Variants in ARHGAP39 observed in about 807,000 individuals in gnomAD.
ARHGAP39 encodes rho GTPase-activating protein 39.
Under a neutral mutation model 106.9 loss-of-function variants are expected in ARHGAP39, and 44 were observed. The ratio of observed to expected loss-of-function variants is 0.41; its 90% confidence interval spans 0.32 to 0.53. ARHGAP39 has a LOEUF of 0.53. Among genes scored for constraint, ARHGAP39 ranks in the 20% least tolerant of loss-of-function variants. The pLI is 0.21. For missense variants in ARHGAP39, 1,496 were observed against 1,577.3 expected (o/e 0.95, Z 0.87); for synonymous variants, 768 against 693.2 (o/e 1.11, Z -1.69).
chr8:144,657,770 C>T (rs994341042), intron 1 of ARHGAP39, among the ~76,000 whole-genome samples: 8 of 152,200 alleles, frequency 5.3e-5, no homozygotes, highest in African/African-American at 1.9e-4. Flanking sequence ...GCAAAAGAAG[C>T]AGTTCACAAA....
At chr8:144,564,526 C>T (rs1818320540) in intron 3 of ARHGAP39, among the ~76,000 whole-genome samples, 1 of 152,122 alleles carries the variant, frequency 6.6e-6, no homozygotes, top group Admixed American at 6.5e-5. Context: ...CAAACTGACA[C>T]AAATGAAAGT....
chr8:144,662,831 A>C (rs1395680487), intron 1 of ARHGAP39, among the ~76,000 whole-genome samples: 3 of 26,014 alleles, frequency 1.2e-4, no homozygotes, highest in Admixed American at 4.9e-4. Context: ...CCCATTAGCC[A>C]CCTTAAACCG....
chr8:144,535,635 G>A (rs758369662), intron 7 of ARHGAP39, among the ~76,000 whole-genome samples: 3 of 152,226 alleles, frequency 2.0e-5, no homozygotes, highest in East Asian at 3.9e-4. Context: ...AGACGGCAGG[G>A]CTGGGCCTCC....
intron 8 of ARHGAP39, among the ~76,000 whole-genome samples, chr8:144,533,739 C>A (rs1457122366): frequency 6.6e-6 from 1 of 152,214 alleles, no homozygotes; most frequent in African/African-American, 2.4e-5. Context: ...TGGGGTGAAA[C>A]TTCCAGAAGT....
At chr8:144,581,676 C>G (rs985439976) in intron 2 of ARHGAP39, among the ~76,000 whole-genome samples, 3 of 152,192 alleles carry the variant, frequency 2.0e-5, no homozygotes, top group Non-Finnish European at 4.4e-5. Context: ...GCAACTGGAC[C>G]GCCACCTCCA....
intron 3 of ARHGAP39, among the ~76,000 whole-genome samples, chr8:144,579,316 A>C (rs1238015573): frequency 2.0e-5 from 3 of 152,220 alleles, no homozygotes; most frequent in Non-Finnish European, 4.4e-5. Flanking sequence ...CAATAGCTAA[A>C]AGAAATCTAA....
chr8:144,635,852 G>GCT, intron 1 of ARHGAP39, among the ~76,000 whole-genome samples: 4 of 130,314 alleles, frequency 3.1e-5, no homozygotes, highest in East Asian at 4.6e-4. Flanking sequence ...ATTAGAGGGG[G>GCT]GCTGAGGCTA....
intron 1 of ARHGAP39, among the ~76,000 whole-genome samples, chr8:144,678,603 G>A (rs897395116): frequency 1.3e-5 from 2 of 152,226 alleles, no homozygotes; most frequent in African/African-American, 2.4e-5. Context: ...GGTCCAGGAG[G>A]CACTGGGGAG....
At chr8:144,640,357 G>A (rs1194801796) in intron 1 of ARHGAP39, among the ~76,000 whole-genome samples, 2 of 152,130 alleles carry the variant, frequency 1.3e-5, no homozygotes, top group Non-Finnish European at 2.9e-5. Flanking sequence ...AATCATAGGG[G>A]TGGGTCTTTC....
intron 3 of ARHGAP39, among the ~76,000 whole-genome samples, chr8:144,568,327 C>CT (rs1165636172): frequency 1.4e-5 from 1 of 69,756 alleles, no homozygotes; most frequent in East Asian, 4.3e-4. Flanking sequence ...GAGTGAGACT[C>CT]TGTCTCAAAA....
intron 1 of ARHGAP39, among the ~76,000 whole-genome samples, chr8:144,674,298 A>G (rs1822176120): frequency 1.3e-5 from 2 of 152,326 alleles, no homozygotes; most frequent in South Asian, 2.1e-4. Context: ...GCGACAGAAC[A>G]GCTCTTGGGA....
intron 3 of ARHGAP39, among the ~76,000 whole-genome samples, chr8:144,556,068 G>A (rs1005043820): frequency 1.3e-5 from 2 of 152,210 alleles, no homozygotes; most frequent in Non-Finnish European, 2.9e-5. Flanking sequence ...GGCGGATCAC[G>A]AGGTCAGGAG....
At chr8:144,532,241 G>A (rs982737388) in intron 10 of ARHGAP39, 64 bp downstream of exon 10, 1 of 1,493,808 alleles carries the variant, frequency 6.7e-7, no homozygotes, top group South Asian at 1.1e-5. Flanking sequence ...GGCGGAGACA[G>A]GGGCCCCTGA....
chr8:144,554,313 C>T (rs1817833916), intron 4 of ARHGAP39, among the ~76,000 whole-genome samples: 2 of 152,198 alleles, frequency 1.3e-5, no homozygotes, highest in African/African-American at 4.8e-5. Context: ...CTCAGCGACC[C>T]ACCCCCTACT....
At chr8:144,581,489 G>A (rs1818990051) in intron 2 of ARHGAP39, among the ~76,000 whole-genome samples, 1 of 152,264 alleles carries the variant, frequency 6.6e-6, no homozygotes, top group South Asian at 2.1e-4. Flanking sequence ...TCAGGGTGGT[G>A]CAGCCCTTTG....
At chr8:144,628,843 G>T (rs1406078494) in intron 1 of ARHGAP39, among the ~76,000 whole-genome samples, 1 of 152,114 alleles carries the variant, frequency 6.6e-6, no homozygotes, top group Non-Finnish European at 1.5e-5. Flanking sequence ...CCCTGTCACC[G>T]CTGTGCCTGG....
chr8:144,638,770 G>A (rs1419976623), intron 1 of ARHGAP39, among the ~76,000 whole-genome samples: 2 of 152,156 alleles, frequency 1.3e-5, no homozygotes, highest in Non-Finnish European at 1.5e-5. Context: ...AGCACAAACA[G>A]GATGAATCCT....
At position 144,644,892 on chromosome 8, in the gene ARHGAP39, A is replaced by T. The variant is rs1207494170; in HGVS notation, c.-81-39197T>A. Among the ~76,000 whole-genome samples, 1 of 152,160 alleles carries T rather than the reference A, an allele frequency of 6.6e-6. No homozygotes were observed. Among genetic ancestry groups the T allele is most frequent in the East Asian group, 1.9e-4 (1 of 5,196 alleles). On this transcript the variant is annotated intron_variant, in intron 1 of 11. Transcript: ENST00000377307. This position sits in a 1 kb window ranked among gnomAD's most constrained non-coding sequence, Gnocchi z 4.8. ...TGCTGCCTCCTCAGAACTCAATTTCATCTCATCAGACTCTGCCCCTAGCAG... is the reference window on the plus strand; with the variant it reads ...TGCTGCCTCCTCAGAACTCAATTTCTTCTCATCAGACTCTGCCCCTAGCAG...
At position 144,546,382 on chromosome 8, in the gene ARHGAP39, G is replaced by A. The variant is rs1406565202; in HGVS notation, c.1960-572C>T. On this transcript the variant is annotated intron_variant, in intron 5 of 11. Transcript: ENST00000377307. The stretch of plus-strand genomic sequence containing the variant: ...CATCTTGAGAAGTGGACAGAATCAC[G>A]GACCGGAAGCTGCTCTGAGTTCTCC... 3.9e-5 allele frequency among the ~76,000 whole-genome samples: 6 copies of A among 152,092 alleles called. No homozygotes were observed. In the South Asian group the frequency reaches 1.2e-3, roughly 32 times the overall value.
Sources: gnomAD v4.1 joint callset for allele counts (sites outside exome capture counted in the v4.1 genomes callset) on GRCh38, gnomAD v4.1.1 for gene constraint, Gnocchi (gnomAD v3.1) non-coding constraint, MANE v1.5 for transcripts, NCBI Gene and HGNC (gene_info 2026-07-23, HGNC 2026-07-21) for gene names.